POU2F1: variants seen among roughly 807,000 people sequenced by gnomAD.
The protein encoded by POU2F1 is POU class 2 homeobox 1.
A neutral mutation model predicts 84.9 loss-of-function variants in POU2F1; 16 were observed. That is an observed-to-expected ratio of 0.19 (90% CI 0.13 to 0.29). POU2F1 has a LOEUF of 0.29. POU2F1 is among the 10% of genes least tolerant of loss of function. POU2F1 has a pLI of 1.00. For synonymous variants in POU2F1, 368 were observed against 368.3 expected (o/e 1.00, Z 0.01); for missense variants, 738 against 942.6 (o/e 0.78, Z 2.84).
chr1:167,299,746 A>C (rs978547654), intron 1 of POU2F1, among the ~76,000 whole-genome samples: 2 of 148,104 alleles, frequency 1.4e-5, no homozygotes, highest in East Asian at 3.9e-4. Flanking sequence ...AGTTCCAAAG[A>C]GTGGGATAAA....
chr1:167,248,529 G>T (rs985287590), intron 1 of POU2F1, among the ~76,000 whole-genome samples: 1 of 152,244 alleles, frequency 6.6e-6, no homozygotes, highest in Non-Finnish European at 1.5e-5. Flanking sequence ...ATGCTGTGAA[G>T]GATATAAATC....
intron 7 of POU2F1, chr1:167,380,119 TGTA>T (rs1220439482): frequency 6.6e-6 from 1 of 152,240 alleles, no homozygotes; most frequent in African/African-American, 2.4e-5. Context: ...GTCATTATAA[TGTA>T]GTAGCAAAGA....
chr1:167,390,273 A>G (rs1317625143), intron 9 of POU2F1, among the ~76,000 whole-genome samples: 1 of 152,172 alleles, frequency 6.6e-6, no homozygotes, highest in East Asian at 1.9e-4. Flanking sequence ...GTTTAATGTT[A>G]GTCTAGAAGC....
At chr1:167,227,588 T>G (rs1480373810) in intron 1 of POU2F1, among the ~76,000 whole-genome samples, 1 of 152,216 alleles carries the variant, frequency 6.6e-6, no homozygotes, top group Non-Finnish European at 1.5e-5. Context: ...CAGCCTTTTT[T>G]GGCTGATTCA....
In POU2F1 at chr1:167,304,879, G is replaced by A. The variant is rs929701136; in HGVS notation, c.62-27591G>A. Among the ~76,000 whole-genome samples, 4 of 152,104 alleles carry A rather than the reference G, an allele frequency of 2.6e-5. No individual in the cohort carries two copies. The East Asian group carries it at 5.8e-4, about 22-fold the overall frequency. ...ATTTTAAAAACGCTTTTCAAAATTA[G>A]CTGACACCTTTAATGAAAAAAAATG... On this transcript the variant is annotated intron_variant, in intron 1 of 15. Transcript: ENST00000367866.
chr1:167,425,397 G>A lies in POU2F1; in HGVS notation c.*9587G>A, dbSNP rs1353697159. On this transcript the variant is annotated 3_prime_UTR_variant, in exon 16 of 16. Transcript: ENST00000367866. ...GAAGAGTGAGGCCAGGGAAGGTGGG[G>A]CGGGGGGACCCTCTGACTGGATCAG... 1 of 152,352 alleles carries A rather than the reference G, an allele frequency of 6.6e-6. No homozygotes were observed. Among genetic ancestry groups the A allele is most frequent in the East Asian group, 1.9e-4 (1 of 5,198 alleles). 9.4% of individuals were successfully genotyped at this position (152,352 alleles called of 1,614,324 possible).
chr1:167,332,599 T>C, intron 2 of POU2F1, 64 bp downstream of exon 2: 10 of 1,346,718 alleles, frequency 7.4e-6, no homozygotes, highest in East Asian at 2.3e-5. Context: ...AAAGTTTCCA[T>C]GTAACTAGGA....
chr1:167,331,340 A>G (rs978557872), intron 1 of POU2F1, among the ~76,000 whole-genome samples: 1 of 152,180 alleles, frequency 6.6e-6, no homozygotes, highest in South Asian at 2.1e-4. Flanking sequence ...TGTAAAGAAC[A>G]TGGTTGAGAA....
chr1:167,251,834 T>C (rs1187684843), intron 1 of POU2F1, among the ~76,000 whole-genome samples: 1 of 151,920 alleles, frequency 6.6e-6, no homozygotes, highest in African/African-American at 2.4e-5. Flanking sequence ...GTATTTTTTG[T>C]TTCTTCGTTA....
intron 1 of POU2F1, among the ~76,000 whole-genome samples, chr1:167,270,526 T>C (rs558981048): frequency 2.6e-5 from 4 of 152,158 alleles, no homozygotes; most frequent in Non-Finnish European, 5.9e-5. Flanking sequence ...GCCAGGAATC[T>C]CAGAGGAGAG....
intron 2 of POU2F1, among the ~76,000 whole-genome samples, chr1:167,363,609 A>G (rs541992836): frequency 1.1e-4 from 17 of 152,318 alleles, no homozygotes; most frequent in African/African-American, 4.1e-4. Flanking sequence ...AGGTGATTCT[A>G]ATTACATTTT....
chr1:167,264,509 T>A (rs1265760447), intron 1 of POU2F1, among the ~76,000 whole-genome samples: 1 of 152,180 alleles, frequency 6.6e-6, no homozygotes. Context: ...TTGTATTTTA[T>A]ATAAAGTACA....
intron 1 of POU2F1, among the ~76,000 whole-genome samples, chr1:167,242,964 CT>C (rs1650022219): frequency 1.3e-5 from 2 of 152,016 alleles, no homozygotes; most frequent in Admixed American, 6.6e-5. Context: ...CTCTCCCCCG[CT>C]TTCTTTCTTA....
Position 167,411,852 on chromosome 1 carries a change from G to A in POU2F1, c.1556-107G>A, listed in dbSNP as rs570699044. 124 of 1,014,608 alleles carry A rather than the reference G, an allele frequency of 1.2e-4. 2 individuals carry two copies. In the Middle Eastern group the frequency reaches 1.5e-3, roughly 12 times the overall value. 62.9% of individuals were successfully genotyped at this position (1,014,608 alleles called of 1,614,324 possible). Reference sequence around the variant, plus strand: ...AGGTTATTAAAGGACAGCTTTACTAGGTGGTAGGTTAATTATTCCATTGAT... The same window carrying A: ...AGGTTATTAAAGGACAGCTTTACTAAGTGGTAGGTTAATTATTCCATTGAT... On this transcript the variant is annotated intron_variant, in intron 13 of 15. Transcript: ENST00000367866.
chr1:167,410,591 C>G (rs1291776348), intron 13 of POU2F1, among the ~76,000 whole-genome samples: 1 of 152,088 alleles, frequency 6.6e-6, no homozygotes, highest in East Asian at 1.9e-4. Flanking sequence ...TCTCGGCTCA[C>G]TGCAACCTCC....
chr1:167,414,885 T>C (rs905164287), intron 15 of POU2F1, among the ~76,000 whole-genome samples: 2 of 152,224 alleles, frequency 1.3e-5, no homozygotes, highest in African/African-American at 2.4e-5. Context: ...TATCATAATA[T>C]AAAGCAGTGG....
rs534166751 is a variant in POU2F1, at chr1:167,423,808, G to A, written c.*7998G>A. The A allele has an allele frequency of 5.4e-4, 82 of 152,336 alleles. No individual in the cohort carries two copies. The highest frequency in any genetic ancestry group is 1.8e-3 in the African/African-American group (76 of 41,580). 9.4% of individuals were successfully genotyped at this position (152,336 alleles called of 1,614,324 possible). On this transcript the variant is annotated 3_prime_UTR_variant, in exon 16 of 16. Transcript: ENST00000367866. ...CCACAGCTTCACAAGAGCAGCTTAA[G>A]GCTTCTTTCATAAATTGGCAGTGGC...
intron 2 of POU2F1, among the ~76,000 whole-genome samples, chr1:167,355,993 A>G (rs1268248327): frequency 6.6e-6 from 1 of 151,448 alleles, no homozygotes; most frequent in Non-Finnish European, 1.5e-5. Context: ...TGTTGCCCAC[A>G]CTGGAGTGCA....
intron 1 of POU2F1, among the ~76,000 whole-genome samples, chr1:167,251,324 A>G (rs1473507775): frequency 2.0e-5 from 3 of 152,170 alleles, no homozygotes; most frequent in Non-Finnish European, 1.5e-5. Context: ...GATTGAGCCC[A>G]GTAAGTCAAG....
Sources: allele counts gnomAD v4.1 joint callset (sites outside exome capture counted in the v4.1 genomes callset), GRCh38; gene constraint gnomAD v4.1.1; transcripts MANE v1.5; gene names NCBI Gene and HGNC (gene_info 2026-07-23, HGNC 2026-07-21).